SORCS2: variants seen among roughly 807,000 people sequenced by gnomAD.
SORCS2 encodes sortilin related VPS10 domain containing receptor 2.
A neutral mutation model predicts 141.6 loss-of-function variants in SORCS2; 100 were observed. That is an observed-to-expected ratio of 0.71 (90% CI 0.60 to 0.83). The LOEUF (loss-of-function observed/expected upper bound fraction) is 0.83. SORCS2 is among the 40% of genes least tolerant of loss of function. The pLI is 0.00. For missense variants in SORCS2, 1,646 were observed against 1,560.2 expected (o/e 1.05, Z -0.93); for synonymous variants, 789 against 676.9 (o/e 1.17, Z -2.57).
intron 7 of SORCS2, 39 bp from the exon 8 acceptor site, chr4:7,667,085 A>C: frequency 6.5e-7 from 1 of 1,540,844 alleles, no homozygotes; most frequent in South Asian, 1.1e-5. Context: ...CTGGAGAGGG[A>C]ATCAAGCCTC....
In SORCS2 at chr4:7,318,029, A is replaced by T. The variant is rs571383732; in HGVS notation, c.481-78259A>T. ...TTCATACAACTGTCCAGCCTGTTTGATGTGAAGGACGCAGGGCAGACAGTC... is the reference window on the plus strand; with the variant it reads ...TTCATACAACTGTCCAGCCTGTTTGTTGTGAAGGACGCAGGGCAGACAGTC... On this transcript the variant is annotated intron_variant, in intron 1 of 26. Coordinates refer to ENST00000507866, the MANE Select transcript of SORCS2 (RefSeq NM_020777.3). Among the ~76,000 whole-genome samples the T allele has an allele frequency of 3.3e-5, 5 of 152,340 alleles. No homozygotes were observed. In the East Asian group the frequency reaches 9.6e-4, roughly 29 times the overall value.
At chr4:7,243,579 C>T (rs1712861361) in intron 1 of SORCS2, among the ~76,000 whole-genome samples, 2 of 152,204 alleles carry the variant, frequency 1.3e-5, no homozygotes, top group Non-Finnish European at 2.9e-5. Context: ...CATGATGACA[C>T]CCGTGAAACA....
At chr4:7,330,514 G>A (rs138890290) in intron 1 of SORCS2, among the ~76,000 whole-genome samples, 276 of 151,738 alleles carry the variant, frequency 1.8e-3, no homozygotes, top group African/African-American at 6.4e-3. Context: ...GGGAAAGAGC[G>A]AGTCTGTGTC....
intron 1 of SORCS2, among the ~76,000 whole-genome samples, chr4:7,294,130 C>T (rs768461702): frequency 2.1e-4 from 32 of 152,318 alleles, no homozygotes; most frequent in Non-Finnish European, 2.9e-4. Flanking sequence ...AGTTACGTCT[C>T]ATCAGCTGAG....
intron 2 of SORCS2, among the ~76,000 whole-genome samples, chr4:7,511,439 GAC>G (rs138336126): frequency 5.4e-5 from 7 of 128,836 alleles, no homozygotes; most frequent in African/African-American, 2.0e-4. Flanking sequence ...GGGTTGGGGA[GAC>G]ACACACACAC....
At chr4:7,647,832 G>T (rs1365032949) in intron 4 of SORCS2, among the ~76,000 whole-genome samples, 2 of 152,224 alleles carry the variant, frequency 1.3e-5, no homozygotes, top group African/African-American at 4.8e-5. Context: ...CATCCTCAGG[G>T]AACCTGCCAT....
Position 7,531,558 on chromosome 4 carries a change from A to T in SORCS2, c.577A>T (p.Lys193Ter). The T allele has an allele frequency of 6.2e-7, 1 of 1,613,804 alleles. No homozygotes were observed. Among genetic ancestry groups the T allele is most frequent in the Non-Finnish European group, 8.5e-7 (1 of 1,179,792 alleles). ...RSSDFGTSYT[K>*]LTLQPGVTTV... ...ATCAGATTTCGGGACGTCCTACACC[A>T]AGCTCACCCTCCAGCCTGGTGTCAC... is the stretch of plus-strand genomic sequence containing the variant. Residue 193 changes from lysine (K) to a stop codon, truncating the protein, a stop_gained, in exon 3 of 27, where the codon AAG becomes TAG. Coordinates refer to ENST00000507866, the MANE Select transcript of SORCS2 (RefSeq NM_020777.3). LOFTEE classifies it high-confidence loss of function.
chr4:7,724,483 ATGG>A (rs1553808414), intron 19 of SORCS2, among the ~76,000 whole-genome samples: 5 of 97,330 alleles, frequency 5.1e-5, no homozygotes, highest in East Asian at 3.7e-4. Context: ...GATGGTGGTG[ATGG>A]TGGTGGTGGT....
chr4:7,677,251 G>A (rs371278519), intron 9 of SORCS2, among the ~76,000 whole-genome samples: 23 of 152,234 alleles, frequency 1.5e-4, no homozygotes, highest in East Asian at 3.9e-4. Context: ...CCCAGAGAAC[G>A]CCCCGTGCAT....
intron 2 of SORCS2, among the ~76,000 whole-genome samples, chr4:7,410,947 TC>T (rs1560262241): frequency 3.1e-4 from 35 of 114,040 alleles, no homozygotes; most frequent in African/African-American, 1.1e-3. Flanking sequence ...CTTCTCTCCA[TC>T]CTTTTTTTTT....
At chr4:7,287,426 C>T (rs1716301397) in intron 1 of SORCS2, among the ~76,000 whole-genome samples, 1 of 152,218 alleles carries the variant, frequency 6.6e-6, no homozygotes, top group Non-Finnish European at 1.5e-5. Flanking sequence ...ACCGTTCCTA[C>T]TGGGAGCTGG....
intron 1 of SORCS2, among the ~76,000 whole-genome samples, chr4:7,322,926 T>A (rs1235004339): frequency 6.6e-6 from 1 of 152,018 alleles, no homozygotes; most frequent in Admixed American, 6.5e-5. Context: ...CCAGACTGTT[T>A]CAGTTTCTGC....
At chr4:7,716,165 C>T (rs1227872111) in intron 17 of SORCS2, among the ~76,000 whole-genome samples, 2 of 152,230 alleles carry the variant, frequency 1.3e-5, no homozygotes, top group East Asian at 1.9e-4. Context: ...CCAATTTCCT[C>T]ATTTCTCTTT....
rs568164693 is a variant in SORCS2, at chr4:7,209,275, G to T, written c.480+16149G>T. On this transcript the variant is annotated intron_variant, in intron 1 of 26. Coordinates refer to ENST00000507866, the MANE Select transcript of SORCS2 (RefSeq NM_020777.3). ...AGCACGCCCCGCCCCCGTCTGTGAG[G>T]ACTTGCTGCTGTGCCGCTCACCTTG... is the stretch of plus-strand genomic sequence containing the variant. Among the ~76,000 whole-genome samples, 35 of 152,348 alleles carry T rather than the reference G, an allele frequency of 2.3e-4. No individual in the cohort carries two copies. In the East Asian group the frequency reaches 6.6e-3, roughly 29 times the overall value.
intron 4 of SORCS2, among the ~76,000 whole-genome samples, chr4:7,643,284 G>A (rs949125508): frequency 2.6e-5 from 4 of 152,168 alleles, no homozygotes; most frequent in Non-Finnish European, 5.9e-5. Context: ...GGAAGTGAGA[G>A]CCCAGCAGTC....
At position 7,715,249 on chromosome 4, in the gene SORCS2, G is replaced by A; in HGVS notation, c.2190G>A (p.Trp730Ter). ...CCAACAAGTGCTCTGCCAACTTCTG[G>A]TTTAACCCATTGTCCCCGCCTGACG... ...SSTNKCSANF[W>*]FNPLSPPDDC... Residue 730 changes from tryptophan to a stop codon, truncating the protein, a stop_gained, in exon 17 of 27, where the codon TGG becomes TGA. Coordinates refer to ENST00000507866, the MANE Select transcript of SORCS2 (RefSeq NM_020777.3). LOFTEE classifies it high-confidence loss of function. 2 of 1,613,948 alleles carry A rather than the reference G, an allele frequency of 1.2e-6. No homozygotes were observed. The highest frequency in any genetic ancestry group is 1.7e-6 in the Non-Finnish European group (2 of 1,179,860).
intron 2 of SORCS2, among the ~76,000 whole-genome samples, chr4:7,463,660 T>C (rs1729444032): frequency 6.6e-6 from 1 of 152,146 alleles, no homozygotes; most frequent in African/African-American, 2.4e-5. Context: ...AGATCAGTGA[T>C]TTGTGCTTGC....
At chr4:7,347,535 G>C (rs1232785553) in intron 1 of SORCS2, among the ~76,000 whole-genome samples, 1 of 152,174 alleles carries the variant, frequency 6.6e-6, no homozygotes, top group Non-Finnish European at 1.5e-5. Context: ...GTGAGGCCCA[G>C]GGAGGTTAAG....
intron 1 of SORCS2, among the ~76,000 whole-genome samples, chr4:7,325,719 A>G (rs1213871517): frequency 6.6e-6 from 1 of 152,178 alleles, no homozygotes; most frequent in East Asian, 1.9e-4. Context: ...AGATGAGGGA[A>G]TCAAGTGACT....
Sources: gnomAD v4.1 joint callset for allele counts (sites outside exome capture counted in the v4.1 genomes callset) on GRCh38, gnomAD v4.1.1 for gene constraint, MANE v1.5 for transcripts, NCBI Gene and HGNC (gene_info 2026-07-23, HGNC 2026-07-21) for gene names.